PRTFDC1: variants seen among roughly 807,000 people sequenced by gnomAD.
The protein encoded by PRTFDC1 is phosphoribosyltransferase domain-containing protein 1.
Under a neutral mutation model 34.6 loss-of-function variants are expected in PRTFDC1, and 38 were observed. The ratio of observed to expected loss-of-function variants is 1.10; its 90% CI spans 0.85 to 1.44. The LOEUF is 1.44. Ranked by LOEUF, PRTFDC1 falls within the 40% of genes most tolerant of loss-of-function variation. The probability of loss-of-function intolerance (pLI) is 0.00; values close to 1 mark genes in which losing one functional copy is unlikely to be tolerated. For synonymous variants in PRTFDC1, 93 were observed against 98.1 expected, an observed-to-expected ratio of 0.95 and a Z score of 0.31; for missense variants, 270 against 283.0, an observed-to-expected ratio of 0.95 and a Z score of 0.33.
intron 8 of PRTFDC1, 119 bp downstream of exon 8, chr10:24,851,269 T>TA: frequency 7.1e-7 from 1 of 1,410,574 alleles, no homozygotes; most frequent in Non-Finnish European, 9.4e-7. Flanking sequence ...GTGCTCACCA[T>TA]ACTCCTGACA....
intron 3 of PRTFDC1, among the ~76,000 whole-genome samples, chr10:24,915,099 GA>G (rs1342035270): frequency 2.6e-5 from 4 of 151,996 alleles, no homozygotes; most frequent in African/African-American, 9.6e-5. Flanking sequence ...TATGAAAGTT[GA>G]AAAAAACAAT....
chr10:24,939,896 A>G (rs898908513), intron 2 of PRTFDC1, among the ~76,000 whole-genome samples: 2 of 152,122 alleles, frequency 1.3e-5, no homozygotes, highest in African/African-American at 4.8e-5. Context: ...GCTAACATTA[A>G]TCAAAAGAAA....
intron 3 of PRTFDC1, among the ~76,000 whole-genome samples, chr10:24,887,500 G>A (rs1848190635): frequency 6.6e-6 from 1 of 151,964 alleles, no homozygotes; most frequent in African/African-American, 2.4e-5. Context: ...TCTCCTTGCT[G>A]CCACCATGTG....
At chr10:24,931,921 A>C (rs112355135) in intron 3 of PRTFDC1, among the ~76,000 whole-genome samples, 1 of 146,890 alleles carries the variant, frequency 6.8e-6, no homozygotes, top group Non-Finnish European at 1.5e-5. Context: ...AAGAAAAAAA[A>C]AAAACAAAAA....
chr10:24,920,024 G>A (rs1848759041), intron 3 of PRTFDC1, among the ~76,000 whole-genome samples: 2 of 152,122 alleles, frequency 1.3e-5, no homozygotes, highest in South Asian at 4.1e-4. Flanking sequence ...CCCTGTTGGT[G>A]GGAATGTAAA....
intron 4 of PRTFDC1, among the ~76,000 whole-genome samples, chr10:24,859,806 G>T (rs1847646439): frequency 6.6e-6 from 1 of 152,148 alleles, no homozygotes; most frequent in South Asian, 2.1e-4. Flanking sequence ...TGTTTGTCTT[G>T]ATTCCTACCG....
chr10:24,880,847 C>CTTTCTTTCTT (rs1321198941), intron 3 of PRTFDC1, among the ~76,000 whole-genome samples: 6 of 149,102 alleles, frequency 4.0e-5, no homozygotes, highest in African/African-American at 1.5e-4. Context: ...TTCTTTCTTT[C>CTTTCTTTCTT]TTTCTTTCTT....
At chr10:24,880,525 T>A (rs1224876192) in intron 3 of PRTFDC1, among the ~76,000 whole-genome samples, 1 of 152,224 alleles carries the variant, frequency 6.6e-6, no homozygotes, top group Non-Finnish European at 1.5e-5. Context: ...ACATTGGTTT[T>A]GTGATTTATT....
chr10:24,865,157 G>T (rs1847754357), intron 4 of PRTFDC1, among the ~76,000 whole-genome samples: 1 of 151,904 alleles, frequency 6.6e-6, no homozygotes, highest in Admixed American at 6.6e-5. Flanking sequence ...TACATAACAT[G>T]GAGACTGGCA....
At chr10:24,914,782 T>C (rs1023737635) in intron 3 of PRTFDC1, among the ~76,000 whole-genome samples, 1 of 152,236 alleles carries the variant, frequency 6.6e-6, no homozygotes, top group African/African-American at 2.4e-5. Context: ...ACTAGGTTCA[T>C]GTCAACAAAT....
chr10:24,918,759 T>C (rs910109193), intron 3 of PRTFDC1, among the ~76,000 whole-genome samples: 5 of 152,136 alleles, frequency 3.3e-5, no homozygotes, highest in Non-Finnish European at 5.9e-5. Flanking sequence ...TTAAAGATAA[T>C]ATAACTTCAA....
chr10:24,884,732 G>T (rs1848135755), intron 3 of PRTFDC1, among the ~76,000 whole-genome samples: 1 of 152,148 alleles, frequency 6.6e-6, no homozygotes, highest in African/African-American at 2.4e-5. Context: ...CAGTGGTGGA[G>T]AAAAGAACAG....
intron 3 of PRTFDC1, among the ~76,000 whole-genome samples, chr10:24,893,689 G>A (rs1848301580): frequency 1.3e-5 from 2 of 152,172 alleles, no homozygotes; most frequent in South Asian, 4.2e-4. Flanking sequence ...TATAGTGATG[G>A]ATACTGTGCA....
intron 4 of PRTFDC1, among the ~76,000 whole-genome samples, chr10:24,870,757 A>G (rs186069745): frequency 6.6e-6 from 1 of 152,278 alleles, no homozygotes; most frequent in East Asian, 1.9e-4. Context: ...TTTAACACAT[A>G]GATCTACTAT....
At chr10:24,877,293 C>G (rs1347405226) in intron 3 of PRTFDC1, among the ~76,000 whole-genome samples, 3 of 152,150 alleles carry the variant, frequency 2.0e-5, no homozygotes, top group Non-Finnish European at 4.4e-5. Flanking sequence ...CCTCAGCCTC[C>G]CAATCGTTGG....
intron 4 of PRTFDC1, among the ~76,000 whole-genome samples, chr10:24,866,360 CA>C (rs372329425): frequency 0.032 from 1,647 of 51,812 alleles, 13 homozygotes; most frequent in African/African-American, 0.072. Context: ...GATTCTGCCT[CA>C]AAAAAAAAAA....
intron 3 of PRTFDC1, among the ~76,000 whole-genome samples, chr10:24,888,942 C>T (rs902121157): frequency 6.6e-6 from 1 of 152,112 alleles, no homozygotes. Flanking sequence ...GTGGCAAACT[C>T]ATTTGATTTC....
chr10:24,872,473 G>C (rs1479765202), intron 3 of PRTFDC1, among the ~76,000 whole-genome samples: 2 of 152,100 alleles, frequency 1.3e-5, no homozygotes, highest in Non-Finnish European at 2.9e-5. Flanking sequence ...AAGATCTGCA[G>C]TGGAGAACAG....
intron 3 of PRTFDC1, among the ~76,000 whole-genome samples, chr10:24,893,037 G>C (rs1848291885): frequency 6.6e-6 from 1 of 152,122 alleles, no homozygotes; most frequent in African/African-American, 2.4e-5. Context: ...TGCTCATACA[G>C]TATCAGTCTT....
Sources: gnomAD v4.1 joint callset for allele counts (sites outside exome capture counted in the v4.1 genomes callset) on GRCh38, gnomAD v4.1.1 for gene constraint, MANE v1.5 for transcripts, NCBI Gene and HGNC (gene_info 2026-07-23, HGNC 2026-07-21) for gene names.